FSTL4: variants seen among roughly 807,000 people sequenced by gnomAD.
FSTL4 encodes the protein follistatin like 4.
In FSTL4, 28 loss-of-function variants were observed where a neutral mutation model predicts 78.2. The observed-to-expected ratio is 0.36, with a 90% CI of 0.27 to 0.49. FSTL4 has a LOEUF of 0.49. Among genes scored for constraint, FSTL4 ranks in the 20% least tolerant of loss-of-function variants. The probability of loss-of-function intolerance (pLI) is 0.98; values close to 1 mark genes in which losing one functional copy is unlikely to be tolerated. For synonymous variants in FSTL4, 422 were observed against 440.5 expected, an observed-to-expected ratio of 0.96 and a Z score of 0.53; for missense variants, 922 against 1,084.9, an observed-to-expected ratio of 0.85 and a Z score of 2.11.
At chr5:133,456,604 C>T (rs1757496677) in intron 3 of FSTL4, among the ~76,000 whole-genome samples, 1 of 152,146 alleles carries the variant, frequency 6.6e-6, no homozygotes, top group African/African-American at 2.4e-5. Flanking sequence ...TGGGTTAGGA[C>T]CCAATAGTAT....
the FSTL4 span, among the ~76,000 whole-genome samples, chr5:133,647,013 G>T: frequency 6.6e-6 from 1 of 152,134 alleles, no homozygotes; most frequent in African/African-American, 2.4e-5. Context: ...ATAATAAGGA[G>T]CAGAGAAAAA....
chr5:133,303,308 C>A (rs111725053), intron 6 of FSTL4, among the ~76,000 whole-genome samples: 38 of 152,326 alleles, frequency 2.5e-4, no homozygotes, highest in African/African-American at 8.7e-4. Flanking sequence ...AAGTAGGGAT[C>A]AGTATTGCTG....
At chr5:133,241,011 G>A (rs1311509952) in intron 7 of FSTL4, among the ~76,000 whole-genome samples, 1 of 152,178 alleles carries the variant, frequency 6.6e-6, no homozygotes, top group Non-Finnish European at 1.5e-5. Context: ...GGGCAGCCAT[G>A]TGGGCAGTAT....
chr5:133,296,299 T>C (rs1003942093), intron 6 of FSTL4, among the ~76,000 whole-genome samples: 5 of 152,242 alleles, frequency 3.3e-5, no homozygotes, highest in African/African-American at 4.8e-5. Flanking sequence ...AGCTGAATTA[T>C]TGCAACAGCC....
chr5:133,390,269 C>T (rs10074006), intron 4 of FSTL4, among the ~76,000 whole-genome samples: 8,344 of 152,314 alleles, frequency 0.055, 699 homozygotes, highest in African/African-American at 0.18. Context: ...TTGCTACTTT[C>T]CTTTAGAGGA....
chr5:133,274,380 C>CTTTTTTTTTTT lies in FSTL4; in HGVS notation c.728-24815_728-24805dup, dbSNP rs59634629. ...ATTCTCAGAAAAAGGGCAATCTGTGCTTTTTTTTTTTTTTTTAGGAGAACA... is the reference window on the plus strand; with the variant it reads ...ATTCTCAGAAAAAGGGCAATCTGTGCTTTTTTTTTTTTTTTTTTTTTTTTTTTAGGAGAACA... On this transcript the variant is annotated intron_variant, in intron 6 of 15. Coordinates refer to ENST00000265342, the MANE Select transcript of FSTL4 (RefSeq NM_015082.2). Among the ~76,000 whole-genome samples, 673 of 71,004 alleles carry CTTTTTTTTTTT rather than the reference C, an allele frequency of 9.5e-3. 162 individuals are homozygous for CTTTTTTTTTTT. The highest frequency in any genetic ancestry group is 0.029 in the Middle Eastern group (1 of 34). 46.6% of individuals were successfully genotyped at this position (71,004 alleles called of 152,430 possible).
the FSTL4 span, among the ~76,000 whole-genome samples, chr5:133,679,699 G>A: frequency 2.0e-5 from 3 of 152,270 alleles, no homozygotes; most frequent in East Asian, 3.9e-4. Flanking sequence ...AGAACAGGCT[G>A]TCTGCTCATG....
chr5:133,777,683 T>C, the FSTL4 span, among the ~76,000 whole-genome samples: 86 of 152,334 alleles, frequency 5.6e-4, 1 homozygote, highest in African/African-American at 2.0e-3. Flanking sequence ...GCAACCTCAC[T>C]TTTTTCACTT....
At chr5:133,634,549 C>T in the FSTL4 span, among the ~76,000 whole-genome samples, 4 of 152,104 alleles carry the variant, frequency 2.6e-5, no homozygotes, top group African/African-American at 9.7e-5. Context: ...CTTCTCCTCA[C>T]CTTATGTCTC....
intron 7 of FSTL4, among the ~76,000 whole-genome samples, chr5:133,240,209 C>T (rs373989322): frequency 5.1e-4 from 77 of 152,280 alleles, no homozygotes; most frequent in African/African-American, 1.4e-3. Flanking sequence ...ACTCTGGACA[C>T]GCTGCCTTTA....
chr5:133,708,358 G>T, the FSTL4 span, among the ~76,000 whole-genome samples: 1 of 152,116 alleles, frequency 6.6e-6, no homozygotes, highest in Non-Finnish European at 1.5e-5. Flanking sequence ...ACCCGCTGTG[G>T]GTGGGTCTCT....
the FSTL4 span, among the ~76,000 whole-genome samples, chr5:133,740,165 T>G: frequency 6.6e-6 from 1 of 152,272 alleles, no homozygotes; most frequent in African/African-American, 2.4e-5. Context: ...ATTACAGGCA[T>G]GCACCACCAC....
the FSTL4 span, among the ~76,000 whole-genome samples, chr5:133,815,466 A>G: frequency 6.6e-6 from 1 of 152,116 alleles, no homozygotes; most frequent in Non-Finnish European, 1.5e-5. Flanking sequence ...TTTCTGGACT[A>G]TTTCCGTGGT....
intron 2 of FSTL4, among the ~76,000 whole-genome samples, chr5:133,598,153 C>T (rs73283834): frequency 0.093 from 14,137 of 151,932 alleles, 800 homozygotes; most frequent in African/African-American, 0.16. Context: ...TCCCTGACTG[C>T]AGTCAGCATC....
chr5:133,439,810 G>T (rs1038377588), intron 3 of FSTL4, among the ~76,000 whole-genome samples: 1 of 152,214 alleles, frequency 6.6e-6, no homozygotes, highest in Non-Finnish European at 1.5e-5. Context: ...GCCGAAGGGG[G>T]CAGGTACGGG....
intron 6 of FSTL4, among the ~76,000 whole-genome samples, chr5:133,269,652 C>A (rs1191258465): frequency 1.3e-5 from 2 of 152,220 alleles, no homozygotes; most frequent in Admixed American, 1.3e-4. Context: ...CAAGCCCTCA[C>A]TAGAGATGGT....
chr5:133,241,122 A>G (rs529563939), intron 7 of FSTL4, among the ~76,000 whole-genome samples: 2 of 152,328 alleles, frequency 1.3e-5, no homozygotes, highest in African/African-American at 4.8e-5. Context: ...CCACTGGGAG[A>G]GGAGAACAGA....
chr5:133,450,974 G>C (rs922176362), intron 3 of FSTL4, among the ~76,000 whole-genome samples: 1 of 152,140 alleles, frequency 6.6e-6, no homozygotes, highest in Non-Finnish European at 1.5e-5. Context: ...AGTGGAGGGA[G>C]ACAGGGACAG....
At chr5:133,580,227 G>A (rs946906111) in intron 2 of FSTL4, among the ~76,000 whole-genome samples, 332 of 152,168 alleles carry the variant, frequency 2.2e-3, no homozygotes, top group African/African-American at 7.7e-3. Context: ...CACAGCCTCT[G>A]TGGCTCAGCT....
Sources: gnomAD v4.1 joint callset for allele counts (sites outside exome capture counted in the v4.1 genomes callset) on GRCh38, gnomAD v4.1.1 for gene constraint, MANE v1.5 for transcripts, NCBI Gene and HGNC (gene_info 2026-07-23, HGNC 2026-07-21) for gene names.